Variants in PPP6C observed in about 807,000 individuals in gnomAD.
PPP6C encodes the protein serine/threonine-protein phosphatase 6 catalytic subunit.
PPP6C carries 11 observed loss-of-function variants against 39.8 expected under a neutral mutation model. The ratio of observed to expected loss-of-function variants is 0.28; its 90% CI spans 0.17 to 0.46. PPP6C has a LOEUF of 0.46. Ranked by LOEUF, PPP6C falls within the 20% of genes least tolerant of loss-of-function variation. The pLI, the probability that PPP6C is intolerant of heterozygous loss-of-function variation, is 1.00. For missense variants in PPP6C, 211 were observed against 373.9 expected (o/e 0.56, Z 3.59); for synonymous variants, 129 against 130.3 (o/e 0.99, Z 0.07).
chr9:125,175,065 T>A (rs2131334397), intron 1 of PPP6C, among the ~76,000 whole-genome samples: 1 of 151,786 alleles, frequency 6.6e-6, no homozygotes, highest in South Asian at 2.1e-4. Context: ...AATACTTAGC[T>A]GGGCGTGGTG....
At chr9:125,173,304 G>T (rs936705428) in intron 1 of PPP6C, among the ~76,000 whole-genome samples, 3 of 150,882 alleles carry the variant, frequency 2.0e-5, no homozygotes, top group Admixed American at 6.6e-5. Context: ...CTCAGCTGAG[G>T]CTGAGGCAGG....
chr9:125,150,966 A>G, intron 6 of PPP6C: 1 of 1,290,440 alleles, frequency 7.7e-7, no homozygotes. Context: ...TGACAATCTC[A>G]GCCAAGCTTG....
chr9:125,172,996 G>A (rs191156038), intron 1 of PPP6C, among the ~76,000 whole-genome samples: 1 of 152,312 alleles, frequency 6.6e-6, no homozygotes, highest in Admixed American at 6.5e-5. Context: ...TGAGGAGCCA[G>A]CTGGGCACGG....
At chr9:125,170,538 T>C (rs569628946) in intron 2 of PPP6C, among the ~76,000 whole-genome samples, 1 of 152,236 alleles carries the variant, frequency 6.6e-6, no homozygotes, top group Admixed American at 6.5e-5. Context: ...CGCCCGGCAC[T>C]GCTTTGAAAT....
intron 4 of PPP6C, among the ~76,000 whole-genome samples, chr9:125,155,012 A>T (rs760137876): frequency 1.3e-5 from 2 of 152,188 alleles, no homozygotes; most frequent in Non-Finnish European, 2.9e-5. Context: ...GGTTCAAGCG[A>T]TCCCACCACC....
chr9:125,151,200 T>A, intron 6 of PPP6C: 1 of 1,500,664 alleles, frequency 6.7e-7, no homozygotes, highest in Non-Finnish European at 9.3e-7. Flanking sequence ...ACAGGCTGAA[T>A]GTGGACTTTG....
rs543371885 is a variant in PPP6C at position 125,189,577 on chromosome 9, G to A, written c.75+67C>T. 2.9e-5 allele frequency: 47 copies of A among 1,606,740 alleles called. No homozygotes were observed. The African/African-American group carries it at 5.9e-4, about 20-fold the overall frequency. On this transcript the variant is annotated intron_variant, in intron 1 of 6. Transcript: ENST00000373547. ...GACTGGATACCCGGCGGGGGTCCTG[G>A]AGAAAGGAAGGGCCGGCCGGCGGGC...
Position 125,148,149 on chromosome 9 carries a change from A to G in PPP6C, c.*1524T>C. The G allele has an allele frequency of 5.4e-6, 1 of 184,330 alleles. No homozygotes were observed. The highest frequency in any genetic ancestry group is 1.1e-5 in the Non-Finnish European group (1 of 87,614). The allele number at this position is 184,330 out of a possible 1,614,324, so 11.4% of individuals were successfully genotyped here. ...CCTGATGAAAAATTATATGCCAAGA[A>G]GCTTAGACTATAAAGATTTTTATTG... On this transcript the variant is annotated 3_prime_UTR_variant, in exon 7 of 7. Coordinates refer to ENST00000373547, the MANE Select transcript of PPP6C (RefSeq NM_002721.5).
chr9:125,169,664 T>C (rs1307910847), intron 2 of PPP6C, among the ~76,000 whole-genome samples: 1 of 152,238 alleles, frequency 6.6e-6, no homozygotes, highest in Non-Finnish European at 1.5e-5. Context: ...TTTTCAGGAA[T>C]GTCTTAAGAC....
In PPP6C at chr9:125,187,559, C is replaced by T. The variant is rs746140305; in HGVS notation, c.75+2085G>A. Among the ~76,000 whole-genome samples, 12 of 152,008 alleles carry T rather than the reference C, an allele frequency of 7.9e-5. No homozygotes were observed. In the South Asian group the frequency reaches 1.9e-3, roughly 24 times the overall value. The stretch of plus-strand genomic sequence containing the variant: ...TCAGCCTCCCCAAGTACTGAGATTA[C>T]GCCACTGTGCCCTAGACACATTTTC... On this transcript the variant is annotated intron_variant, in intron 1 of 6. Coordinates refer to ENST00000373547, the MANE Select transcript of PPP6C (RefSeq NM_002721.5).
intron 6 of PPP6C, 37 bp from the exon 7 acceptor site, chr9:125,149,958 TA>T: frequency 1.9e-6 from 3 of 1,593,052 alleles, no homozygotes; most frequent in East Asian, 2.2e-5. Flanking sequence ...ACTTAGCACT[TA>T]AAAAACAATC....
intron 2 of PPP6C, among the ~76,000 whole-genome samples, chr9:125,170,039 T>G (rs976547329): frequency 4.6e-5 from 7 of 152,194 alleles, no homozygotes; most frequent in Non-Finnish European, 1.5e-5. Context: ...TAAGTCCTGT[T>G]GGCATCCTTT....
rs768811903 is a variant in PPP6C at position 125,189,762 on chromosome 9, A to AGCAGCGGCGGCG, written c.-56_-45dup. The AGCAGCGGCGGCG allele has an allele frequency of 3.6e-4, 556 of 1,547,486 alleles. No individual in the cohort carries two copies. In the African/African-American group the frequency reaches 5.5e-3, roughly 15 times the overall value. ...CGGCAACAGCGGCGGCGGCGGCTGT[A>AGCAGCGGCGGCG]GCAGCGGCGGCGGCAGCGGCGGAGG... On this transcript the variant is annotated 5_prime_UTR_variant, in exon 1 of 7. Transcript: ENST00000373547.
chr9:125,189,534 G>A (rs1169802321), intron 1 of PPP6C, 110 bp downstream of exon 1: 2 of 1,535,802 alleles, frequency 1.3e-6, no homozygotes, highest in South Asian at 1.2e-5. Context: ...CAATGGGGGA[G>A]GCCCTCCACC....
intron 2 of PPP6C, among the ~76,000 whole-genome samples, chr9:125,164,034 C>T (rs1828955113): frequency 1.3e-5 from 2 of 151,556 alleles, no homozygotes; most frequent in South Asian, 4.2e-4. Context: ...GACGGGGTTT[C>T]ACCATGTTGG....
intron 1 of PPP6C, among the ~76,000 whole-genome samples, chr9:125,171,478 CATATATATATATATATATATAT>C (rs59002869): frequency 2.4e-5 from 2 of 83,530 alleles, no homozygotes; most frequent in Admixed American, 1.4e-4. Flanking sequence ...CACACACACA[CATATATATATATATATATATAT>C]ATATATATAT....
At chr9:125,175,643 A>C (rs1449666985) in intron 1 of PPP6C, among the ~76,000 whole-genome samples, 1 of 132,186 alleles carries the variant, frequency 7.6e-6, no homozygotes, top group Non-Finnish European at 1.6e-5. Flanking sequence ...ACTCCGTCTC[A>C]AAAAAAAAAA....
chr9:125,159,126 C>G (rs1469227297), intron 3 of PPP6C, among the ~76,000 whole-genome samples: 1 of 151,176 alleles, frequency 6.6e-6, no homozygotes, highest in East Asian at 1.9e-4. Context: ...GCAACCTCCC[C>G]TTCCTGGATT....
At chr9:125,156,513 C>A (rs1200811293) in intron 4 of PPP6C, among the ~76,000 whole-genome samples, 1 of 152,134 alleles carries the variant, frequency 6.6e-6, no homozygotes, top group Non-Finnish European at 1.5e-5. Context: ...ACCTTGTGAT[C>A]TGCCTGCCTC....
Sources: gnomAD v4.1 joint callset for allele counts (sites outside exome capture counted in the v4.1 genomes callset) on GRCh38, gnomAD v4.1.1 for gene constraint, MANE v1.5 for transcripts, NCBI Gene and HGNC (gene_info 2026-07-23, HGNC 2026-07-21) for gene names.